The following BDH1 variants were observed in gnomAD, a reference collection of about 807,000 sequenced individuals.
BDH1 encodes the protein 3-hydroxybutyrate dehydrogenase 1.
BDH1 carries 30 observed loss-of-function variants against 33.1 expected under a neutral mutation model. The observed-to-expected ratio is 0.91, with a 90% CI of 0.68 to 1.23. BDH1 has a LOEUF of 1.23. Ranked by LOEUF, BDH1 falls within the 50% of genes most tolerant of loss-of-function variation. The probability of loss-of-function intolerance (pLI) is 0.00; values close to 1 mark genes in which losing one functional copy is unlikely to be tolerated. For missense variants in BDH1, 443 were observed against 464.4 expected, an observed-to-expected ratio of 0.95 and a Z score of 0.42; for synonymous variants, 190 against 183.6, an observed-to-expected ratio of 1.03 and a Z score of -0.28.
At chr3:197,552,345 CT>C (rs754723309) in intron 2 of BDH1, among the ~76,000 whole-genome samples, 10 of 152,342 alleles carry the variant, frequency 6.6e-5, no homozygotes, top group Admixed American at 3.9e-4. Context: ...TCCGCTTCCA[CT>C]GTAGTTCCTC....
At chr3:197,563,134 A>T (rs1717321139) in intron 1 of BDH1, among the ~76,000 whole-genome samples, 1 of 152,222 alleles carries the variant, frequency 6.6e-6, no homozygotes, top group Non-Finnish European at 1.5e-5. Flanking sequence ...GTATGTGTGT[A>T]TGTACATGTA....
At chr3:197,543,220 AG>A in intron 3 of BDH1, 1 of 976,708 alleles carries the variant, frequency 1.0e-6, no homozygotes, top group South Asian at 4.7e-5. Context: ...GCAGCTCGGG[AG>A]AAATATGGCC....
intron 3 of BDH1, among the ~76,000 whole-genome samples, chr3:197,537,864 C>G (rs965662645): frequency 2.0e-5 from 3 of 152,216 alleles, no homozygotes; most frequent in Non-Finnish European, 4.4e-5. Context: ...CCCACTTGTT[C>G]TGTCCTACTG....
chr3:197,571,102 G>T (rs568676851), intron 1 of BDH1, among the ~76,000 whole-genome samples: 2 of 152,322 alleles, frequency 1.3e-5, no homozygotes, highest in East Asian at 3.9e-4. Context: ...TGGCTGCCCT[G>T]CTGGATTTTG....
chr3:197,552,154 G>A (rs562562464), intron 2 of BDH1, among the ~76,000 whole-genome samples: 21 of 152,144 alleles, frequency 1.4e-4, no homozygotes, highest in Non-Finnish European at 2.4e-4. Flanking sequence ...TTGTCCTGCA[G>A]ACCTGTTCCT....
At chr3:197,552,527 C>T (rs13323565) in intron 2 of BDH1, among the ~76,000 whole-genome samples, 15,332 of 152,204 alleles carry the variant, frequency 0.1, 985 homozygotes, top group African/African-American at 0.17. Context: ...TGGTTCACTG[C>T]ACTTTGGTCA....
At chr3:197,527,199 A>G (rs1242027639) in intron 5 of BDH1, among the ~76,000 whole-genome samples, 1 of 152,220 alleles carries the variant, frequency 6.6e-6, no homozygotes, top group Non-Finnish European at 1.5e-5. Context: ...GGGCACTGTG[A>G]TGTTCACAGG....
At chr3:197,564,993 G>A (rs561955278) in intron 1 of BDH1, among the ~76,000 whole-genome samples, 7 of 152,244 alleles carry the variant, frequency 4.6e-5, no homozygotes, top group East Asian at 3.9e-4. Flanking sequence ...TGCAATCTCC[G>A]CTCACTGCAA....
Position 197,554,839 on chromosome 3 carries a change from G to A in BDH1, c.-195-126C>T, listed in dbSNP as rs548838299. ...CGCCCAAGGCGCCTGGGCCGCTAGG[G>A]ACCGACCGGAGCGCTCAAACCCACA... On this transcript the variant is annotated intron_variant, in intron 1 of 7. Transcript: ENST00000392379. The surrounding 1 kb of genome is among the most constrained non-coding windows in gnomAD (Gnocchi z 4.4). The A allele has an allele frequency of 6.6e-6, 1 of 152,280 alleles. No individual in the cohort carries two copies. The highest frequency in any genetic ancestry group is 1.5e-5 in the Non-Finnish European group (1 of 68,084). The allele number at this position is 152,280 out of a possible 1,614,324, so 9.4% of individuals were successfully genotyped here.
At position 197,519,515 on chromosome 3, in the gene BDH1, T is replaced by A. The variant is rs1337402226; in HGVS notation, c.409+3125A>T. ...TTCTTTACTAAAAAAAAAAAAAAAA[T>A]TAGCTGGGCATGGTGGCAGGCGCCT... On this transcript the variant is annotated intron_variant, in intron 6 of 7. Transcript: ENST00000392379. Among the ~76,000 whole-genome samples, 6 of 150,318 alleles carry A rather than the reference T, an allele frequency of 4.0e-5. No homozygotes were observed. In the East Asian group the frequency reaches 1.2e-3, roughly 29 times the overall value.
chr3:197,563,776 T>C (rs1717342145), intron 1 of BDH1, among the ~76,000 whole-genome samples: 1 of 152,096 alleles, frequency 6.6e-6, no homozygotes, highest in African/African-American at 2.4e-5. Context: ...TTTAAAACAA[T>C]ATAAAAGGAA....
Position 197,522,602 on chromosome 3 carries a change from C to A in BDH1, c.409+38G>T. ...TTCGGCAAGTGCCCCTTGGAATGGC[C>A]CCATACACAACCCCTGCCGTCCGAA... is the stretch of plus-strand genomic sequence containing the variant. On this transcript the variant is annotated intron_variant, in intron 6 of 7. Coordinates refer to ENST00000392379, the MANE Select transcript of BDH1 (RefSeq NM_203314.3). This position sits in a 1 kb window ranked among gnomAD's most constrained non-coding sequence, Gnocchi z 4.8. The A allele has an allele frequency of 6.2e-7, 1 of 1,611,298 alleles. No homozygotes were observed. The highest frequency in any genetic ancestry group is 8.5e-7 in the Non-Finnish European group (1 of 1,178,614).
rs755033433 is a variant in BDH1, at chr3:197,512,357, G to A, written c.570C>T (p.Val190=). The change falls in exon 8 of 8, where the codon GTC becomes GTT. Residue 190 remains valine, a synonymous_variant. Transcript: ENST00000392379. The stretch of plus-strand genomic sequence containing the variant: ...GGCCCAGCATGCTGCTGATATTGAC[G>A]ACGCGGCCTACAGAGGGAGACAGAG... ...LPLIRRAKGR[V]VNISSMLGRM... 39 of 1,603,886 alleles carry A rather than the reference G, an allele frequency of 2.4e-5. No homozygotes were observed. Among genetic ancestry groups the A allele is most frequent in the Non-Finnish European group, 3.3e-5 (39 of 1,177,644 alleles).
intron 6 of BDH1, among the ~76,000 whole-genome samples, chr3:197,515,020 G>A (rs144820761): frequency 2.6e-5 from 4 of 152,316 alleles, no homozygotes; most frequent in African/African-American, 9.6e-5. Context: ...CTCCCGGGCC[G>A]ATAGCCCCGT....
rs114429480 is a variant in BDH1, at chr3:197,525,865, C to T, written c.268-3084G>A. Among the ~76,000 whole-genome samples the T allele has an allele frequency of 0.039, 5,857 of 151,946 alleles. 140 individuals carry two copies. The highest frequency in any genetic ancestry group is 0.064 in the South Asian group (307 of 4,806). ...TTTCTGTGCTCCCTCTGCAGGTCTC[C>T]GTGCTCCCTCTGCAGGTCTGTGTGC... On this transcript the variant is annotated intron_variant, in intron 5 of 7. Transcript: ENST00000392379. The surrounding 1 kb of genome is among the most constrained non-coding windows in gnomAD (Gnocchi z 4.9).
At chr3:197,517,450 C>T (rs1323769286) in intron 6 of BDH1, among the ~76,000 whole-genome samples, 17 of 74,506 alleles carry the variant, frequency 2.3e-4, no homozygotes, top group Admixed American at 5.1e-4. Context: ...TCCATCCCCC[C>T]TCAGGCCGAC....
At chr3:197,573,241 G>A (rs1490925584) in exon 1 of BDH1, 1 of 152,178 alleles carries the variant, frequency 6.6e-6, no homozygotes, top group African/African-American at 2.4e-5. Context: ...CAAGTGACCA[G>A]CCGGATCCTC....
At position 197,533,367 on chromosome 3, in the gene BDH1, A is replaced by T. The variant is rs562250566; in HGVS notation, c.156+122T>A. On this transcript the variant is annotated intron_variant, in intron 4 of 7. Transcript: ENST00000392379. ...GCTTTGGGGGAGGGTTAAGTGAGAAAGTGGCTCCCAGTGTCCTGGAAACAC... is the reference window on the plus strand; with the variant it reads ...GCTTTGGGGGAGGGTTAAGTGAGAATGTGGCTCCCAGTGTCCTGGAAACAC... 7.3e-5 allele frequency: 72 copies of T among 980,176 alleles called. No homozygotes were observed. In the African/African-American group the frequency reaches 9.1e-4, roughly 12 times the overall value. 60.7% of individuals were successfully genotyped at this position (980,176 alleles called of 1,614,324 possible). A position where few individuals can be genotyped will look rare whatever the true frequency, so the allele number is the denominator to read the frequency against.
chr3:197,561,456 G>A (rs1278067902), intron 1 of BDH1, among the ~76,000 whole-genome samples: 1 of 151,742 alleles, frequency 6.6e-6, no homozygotes, highest in Non-Finnish European at 1.5e-5. Flanking sequence ...CTCCCAGCAG[G>A]GAAGATGAAT....
Sources: allele counts gnomAD v4.1 joint callset (sites outside exome capture counted in the v4.1 genomes callset), GRCh38; gene constraint gnomAD v4.1.1; non-coding constraint Gnocchi (gnomAD v3.1); transcripts MANE v1.5; gene names NCBI Gene and HGNC (gene_info 2026-07-23, HGNC 2026-07-21).